Variants in DGKH observed in about 807,000 individuals in gnomAD.
DGKH encodes the protein DAG kinase eta.
In DGKH, 90 loss-of-function variants were observed where a neutral mutation model predicts 159.3. That is an observed-to-expected ratio of 0.57 (90% CI 0.48 to 0.67). The LOEUF is 0.67. Among genes scored for constraint, DGKH ranks in the 30% least tolerant of loss-of-function variants. The pLI is 0.00. For synonymous variants in DGKH, 536 were observed against 553.8 expected (o/e 0.97, Z 0.45); for missense variants, 1,181 against 1,506.1 (o/e 0.78, Z 3.57).
At chr13:42,098,630 C>T (rs1280186419) in intron 1 of DGKH, among the ~76,000 whole-genome samples, 1 of 152,018 alleles carries the variant, frequency 6.6e-6, no homozygotes, top group Non-Finnish European at 1.5e-5. Flanking sequence ...TTTTTATTTT[C>T]TTTATGTTCT....
At chr13:42,126,540 G>C (rs1318670340) in intron 1 of DGKH, among the ~76,000 whole-genome samples, 1 of 152,158 alleles carries the variant, frequency 6.6e-6, no homozygotes, top group Non-Finnish European at 1.5e-5. Context: ...GTATTTTGCT[G>C]GTGAAAACAA....
intron 24 of DGKH, among the ~76,000 whole-genome samples, chr13:42,213,662 T>A (rs1957719776): frequency 6.6e-6 from 1 of 152,200 alleles, no homozygotes; most frequent in South Asian, 2.1e-4. Flanking sequence ...TACTCTTGGT[T>A]CAGCTATATA....
At chr13:42,249,619 G>T (rs1244192968) in intron 29 of DGKH, among the ~76,000 whole-genome samples, 1 of 152,124 alleles carries the variant, frequency 6.6e-6, no homozygotes, top group Non-Finnish European at 1.5e-5. Context: ...AGCCACAAAC[G>T]ATATGTAAAT....
intron 1 of DGKH, among the ~76,000 whole-genome samples, chr13:42,124,703 G>T (rs768508219): frequency 6.6e-6 from 1 of 152,180 alleles, no homozygotes; most frequent in Non-Finnish European, 1.5e-5. Flanking sequence ...CTGGTACCAT[G>T]TGGTAGGACA....
In DGKH at chr13:42,209,068, C is replaced by G. The variant is rs1361667974; in HGVS notation, c.2711C>G (p.Ala904Gly). 1.2e-6 allele frequency: 2 copies of G among 1,609,080 alleles called. No homozygotes were observed. The highest frequency in any genetic ancestry group is 1.3e-5 in the African/African-American group (1 of 74,668). ...ATTAAACTGCAGCATCATCGAATAG[C>G]CCAGGTTGGTTTCTCTCGTCAAACC... ...RVIKLQHHRI[A>G]QCRTVKITIF... The change falls in exon 22 of 30, where the codon GCC becomes GGC. Residue 904 changes from alanine to glycine, a missense_variant. By Grantham distance (60) the Ala-to-Gly change is moderately conservative. Around this residue, in one of 5 missense-constraint regions of DGKH, gnomAD observed 335 missense variants for 495.2 expected, o/e 0.68. Transcript: ENST00000337343.
At chr13:42,069,002 C>A in intron 1 of DGKH, 6 of 1,471,978 alleles carry the variant, frequency 4.1e-6, no homozygotes, top group Non-Finnish European at 5.7e-6. Context: ...ATAGCAGAAG[C>A]TGTTAATGTG....
At chr13:42,163,354 TTA>T (rs907690745) in intron 7 of DGKH, among the ~76,000 whole-genome samples, 3 of 152,126 alleles carry the variant, frequency 2.0e-5, no homozygotes, top group Admixed American at 2.0e-4. Flanking sequence ...GCAGCATGAT[TTA>T]TAGTCTTTGG....
intron 1 of DGKH, among the ~76,000 whole-genome samples, chr13:42,087,525 A>C (rs1034506375): frequency 6.6e-6 from 1 of 152,182 alleles, no homozygotes; most frequent in Non-Finnish European, 1.5e-5. Context: ...AACAACTACT[A>C]TTAGTATACT....
At position 42,230,202 on chromosome 13, in the gene DGKH, G is replaced by A. The variant is rs1958251372; in HGVS notation, c.*1014G>A. 1 of 151,788 alleles carries A rather than the reference G, an allele frequency of 6.6e-6. No homozygotes were observed. The highest frequency in any genetic ancestry group is 2.1e-4 in the South Asian group (1 of 4,800). 9.4% of individuals were successfully genotyped at this position (151,788 alleles called of 1,614,324 possible). ...ATTTGAATTTATAATATAGTAAAGT[G>A]TTGATATCCAGGAATTCCCTGAGGT... On this transcript the variant is annotated 3_prime_UTR_variant, in exon 30 of 30. Coordinates refer to ENST00000337343, the MANE Select transcript of DGKH (RefSeq NM_178009.5).
In DGKH at chr13:42,129,651, A is replaced by C; in HGVS notation, c.384+19A>C. On this transcript the variant is annotated intron_variant, in intron 3 of 29. Coordinates refer to ENST00000337343, the MANE Select transcript of DGKH (RefSeq NM_178009.5). ...CTTCACGGTATGGTTATATTCTGCT[A>C]ACTCCCTTCTCAAAAGTTATAGAAT... 1 of 1,603,634 alleles carries C rather than the reference A, an allele frequency of 6.2e-7. No homozygotes were observed. The highest frequency in any genetic ancestry group is 8.5e-7 in the Non-Finnish European group (1 of 1,173,182).
At position 42,132,641 on chromosome 13, in the gene DGKH, C is replaced by T. The variant is rs1955311110; in HGVS notation, c.384+3009C>T. Among the ~76,000 whole-genome samples, 3 of 152,180 alleles carry T rather than the reference C, an allele frequency of 2.0e-5. 1 individual carries two copies. In the South Asian group the frequency reaches 6.2e-4, roughly 32 times the overall value. On this transcript the variant is annotated intron_variant, in intron 3 of 29. Transcript: ENST00000337343. ...TTTTGACCAGGCACAGTGGCTCACA[C>T]CTGTAATCCCAACACTTTGAGAGGC... is the stretch of plus-strand genomic sequence containing the variant.
intron 24 of DGKH, 45 bp downstream of exon 24, chr13:42,210,810 C>T: frequency 6.4e-7 from 1 of 1,566,800 alleles, no homozygotes; most frequent in Non-Finnish European, 8.6e-7. Flanking sequence ...ACTGTGGTCT[C>T]AGCCAATTTT....
chr13:42,192,696 C>T (rs1037846153), intron 16 of DGKH, among the ~76,000 whole-genome samples: 1 of 151,352 alleles, frequency 6.6e-6, no homozygotes, highest in Non-Finnish European at 1.5e-5. Flanking sequence ...TTAATGATAC[C>T]AAAAACAGCT....
intron 1 of DGKH, among the ~76,000 whole-genome samples, chr13:42,042,080 T>A (rs1364363431): frequency 6.6e-6 from 1 of 152,264 alleles, no homozygotes; most frequent in Non-Finnish European, 1.5e-5. Flanking sequence ...CTGATCCCTC[T>A]GCATCTGCAG....
intron 1 of DGKH, among the ~76,000 whole-genome samples, chr13:42,095,844 T>C (rs961808605): frequency 6.6e-6 from 1 of 152,222 alleles, no homozygotes; most frequent in African/African-American, 2.4e-5. Context: ...ACTATGCATT[T>C]GTTGGCATTC....
At chr13:42,217,189 T>C (rs970886760) in intron 26 of DGKH, among the ~76,000 whole-genome samples, 1 of 152,244 alleles carries the variant, frequency 6.6e-6, no homozygotes. Context: ...AACCATTTTA[T>C]ACGTTTTATA....
At chr13:42,066,300 G>C (rs1192261025) in intron 1 of DGKH, 1 of 152,192 alleles carries the variant, frequency 6.6e-6, no homozygotes, top group Non-Finnish European at 1.5e-5. Flanking sequence ...TGGATGAATG[G>C]ATAAACAAAA....
At chr13:42,170,208 C>G (rs1956412960) in intron 11 of DGKH, among the ~76,000 whole-genome samples, 1 of 152,222 alleles carries the variant, frequency 6.6e-6, no homozygotes, top group Non-Finnish European at 1.5e-5. Flanking sequence ...TGCTGTTAGG[C>G]ATTTCATCTA....
chr13:42,218,275 C>T (rs935772370), intron 26 of DGKH, among the ~76,000 whole-genome samples: 2 of 152,114 alleles, frequency 1.3e-5, no homozygotes, highest in Admixed American at 6.5e-5. Context: ...AATAGGTGAG[C>T]AGTTAAATTC....
Sources: gnomAD v4.1 joint callset for allele counts (sites outside exome capture counted in the v4.1 genomes callset) on GRCh38, gnomAD v4.1.1 for gene constraint, gnomAD v4.1.1 regional missense constraint, MANE v1.5 for transcripts, NCBI Gene and HGNC (gene_info 2026-07-23, HGNC 2026-07-21) for gene names.